Variants in CAPN1 observed in about 807,000 individuals in gnomAD.
CAPN1 encodes calpain 1.
Under a neutral mutation model 105.2 loss-of-function variants are expected in CAPN1, and 77 were observed. The observed-to-expected ratio is 0.73, with a 90% confidence interval of 0.61 to 0.88. The LOEUF is 0.88. CAPN1 is among the 40% of genes least tolerant of loss of function. The probability of loss-of-function intolerance (pLI) is 0.00; values close to 1 mark genes in which losing one functional copy is unlikely to be tolerated. For missense variants in CAPN1, 833 were observed against 976.6 expected (o/e 0.85, Z 1.96); for synonymous variants, 355 against 388.8 (o/e 0.91, Z 1.02).
At position 65,188,260 on chromosome 11, in the gene CAPN1, G is replaced by A; in HGVS notation, c.930-154G>A. On this transcript the variant is annotated intron_variant, in intron 8 of 21. Coordinates refer to ENST00000279247, the MANE Select transcript of CAPN1 (RefSeq NM_005186.4). This position sits in a 1 kb window ranked among gnomAD's most constrained non-coding sequence, Gnocchi z 5.5. Reference sequence around the variant, plus strand: ...TGCAGGGCATCAGACTGGCCCTGATGAGACCACCCCCTAGAAGCGGAACCT... The same window carrying A: ...TGCAGGGCATCAGACTGGCCCTGATAAGACCACCCCCTAGAAGCGGAACCT... The A allele has an allele frequency of 1.4e-6, 1 of 732,168 alleles. No individual in the cohort carries two copies. Among genetic ancestry groups the A allele is most frequent in the Non-Finnish European group, 2.2e-6 (1 of 444,872 alleles). 45.4% of individuals were successfully genotyped at this position (732,168 alleles called of 1,614,324 possible). A position where few individuals can be genotyped will look rare whatever the true frequency, so the allele number is the denominator to read the frequency against.
In CAPN1 at chr11:65,209,825, A is replaced by G. The variant is rs1949017055; in HGVS notation, c.1795-24A>G. The stretch of plus-strand genomic sequence containing the variant: ...TCCCATGACTGGTCTAAGTGATGGA[A>G]TTTCCTTCTTAACGGCCACCCAGCG... On this transcript the variant is annotated intron_variant, in intron 17 of 21. Transcript: ENST00000279247. This position sits in a 1 kb window ranked among gnomAD's most constrained non-coding sequence, Gnocchi z 4.1. 2 of 1,612,048 alleles carry G rather than the reference A, an allele frequency of 1.2e-6. No individual in the cohort carries two copies. Among genetic ancestry groups the G allele is most frequent in the African/African-American group, 2.7e-5 (2 of 74,864 alleles).
In CAPN1 at chr11:65,182,859, G is replaced by A; in HGVS notation, c.158G>A (p.Gly53Glu). Residue 53 changes from glycine to glutamate, a missense_variant, in exon 2 of 22, where the codon GGG (glycine) becomes GAG (glutamate). Transcript: ENST00000279247. ...CTGCGGGTGCGATGCCTGCAGAGTGGGACCCTCTTCCGTGATGAGGCCTTC... is the reference window on the plus strand; with the variant it reads ...CTGCGGGTGCGATGCCTGCAGAGTGAGACCCTCTTCCGTGATGAGGCCTTC... Reference protein sequence around the residue: ...EQLRVRCLQSGTLFRDEAFPP... With the variant: ...EQLRVRCLQSETLFRDEAFPP... 1 of 1,601,430 alleles carries A rather than the reference G, an allele frequency of 6.2e-7. No individual in the cohort carries two copies. The highest frequency in any genetic ancestry group is 8.5e-7 in the Non-Finnish European group (1 of 1,174,368).
At chr11:65,181,588 C>A (rs767612177), upstream of CAPN1, 2 of 415,770 alleles carry the variant, frequency 4.8e-6, no homozygotes, top group Non-Finnish European at 9.6e-6. This position sits in a 1 kb window ranked among gnomAD's most constrained non-coding sequence, Gnocchi z 4.6. Flanking sequence ...CCCTGCAACT[C>A]GAGCTGCTGC....
chr11:65,182,902 C>T lies in CAPN1; in HGVS notation c.201C>T (p.Ser67=). The T allele has an allele frequency of 6.2e-7, 1 of 1,609,538 alleles. No homozygotes were observed. The highest frequency in any genetic ancestry group is 8.5e-7 in the Non-Finnish European group (1 of 1,178,018). ...RDEAFPPVPQ[S]LGYKDLGPNS... ...AGGCCTTCCCCCCGGTACCCCAGAGCCTGGGTTACAAGGACCTGGGTCCCA... is the reference window on the plus strand; with the variant it reads ...AGGCCTTCCCCCCGGTACCCCAGAGTCTGGGTTACAAGGACCTGGGTCCCA... Residue 67 remains serine, a synonymous_variant, in exon 2 of 22, where the codon AGC becomes AGT. Transcript: ENST00000279247.
rs985420409 is a variant in CAPN1, at chr11:65,188,414, C to T, written c.930C>T (p.Ser310=). ...EVEWTGAWSD[S]SSEWNNVDPY... is the part of the protein sequence containing the mutation. ...CCTGGCAGAGCCCTGCTCCTCACAG[C>T]TCCTCAGAGTGGAACAACGTGGACC... The change falls in exon 9 of 22, where the codon AGC becomes AGT. Residue 310 remains serine (S), a splice_region_variant and synonymous_variant. Transcript: ENST00000279247. The surrounding 1 kb of genome is among the most constrained non-coding windows in gnomAD (Gnocchi z 5.5). 6 of 1,609,568 alleles carry T rather than the reference C, an allele frequency of 3.7e-6. No individual in the cohort carries two copies. The highest frequency in any genetic ancestry group is 2.7e-5 in the African/African-American group (2 of 74,818).
At chr11:65,206,218 A>T in intron 12 of CAPN1, 1 of 585,662 alleles carries the variant, frequency 1.7e-6, no homozygotes, top group Non-Finnish European at 3.0e-6. Context: ...ATTGAAACAC[A>T]TGCCTAATCT....
chr11:65,210,599 G>A lies in CAPN1; in HGVS notation c.2059+147G>A, dbSNP rs941288455. The A allele has an allele frequency of 2.8e-5, 20 of 711,084 alleles. No homozygotes were observed. Among genetic ancestry groups the A allele is most frequent in the Non-Finnish European group, 4.4e-5 (18 of 406,278 alleles). 44.0% of individuals were successfully genotyped at this position (711,084 alleles called of 1,614,324 possible). ...AGAGGCCTGGGTCTGGGTTTGGGGG[G>A]CCCTGGCTGAGTGCCAGGAGAGTCG... is the stretch of plus-strand genomic sequence containing the variant. On this transcript the variant is annotated intron_variant, in intron 20 of 21. Transcript: ENST00000279247. This position sits in a 1 kb window ranked among gnomAD's most constrained non-coding sequence, Gnocchi z 4.3.
chr11:65,210,598 G>C lies in CAPN1; in HGVS notation c.2059+146G>C, dbSNP rs1254295429. On this transcript the variant is annotated intron_variant, in intron 20 of 21. Transcript: ENST00000279247. The surrounding 1 kb of genome is among the most constrained non-coding windows in gnomAD (Gnocchi z 4.3). ...GAGAGGCCTGGGTCTGGGTTTGGGG[G>C]GCCCTGGCTGAGTGCCAGGAGAGTC... 1.4e-6 allele frequency: 1 copy of C among 710,158 alleles called. No homozygotes were observed. The highest frequency in any genetic ancestry group is 2.5e-6 in the Non-Finnish European group (1 of 405,310). The allele number at this position is 710,158 out of a possible 1,614,324, so 44.0% of individuals were successfully genotyped here. A position where few individuals can be genotyped will look rare whatever the true frequency, so the allele number is the denominator to read the frequency against.
chr11:65,207,770 G>T (rs746044400), intron 14 of CAPN1, among the ~76,000 whole-genome samples: 1 of 151,890 alleles, frequency 6.6e-6, no homozygotes, highest in East Asian at 2.0e-4. Flanking sequence ...AAAATTAGCC[G>T]GGCATGGTGG....
intron 10 of CAPN1, among the ~76,000 whole-genome samples, chr11:65,194,459 T>C (rs538640868): frequency 7.5e-4 from 114 of 152,316 alleles, no homozygotes; most frequent in African/African-American, 2.5e-3. Context: ...CCAGAAAATT[T>C]GCACTTTTAA....
In CAPN1 at chr11:65,210,901, G is replaced by A. The variant is rs1177164660; in HGVS notation, c.2118+29G>A. On this transcript the variant is annotated intron_variant, in intron 21 of 21. Transcript: ENST00000279247. This position sits in a 1 kb window ranked among gnomAD's most constrained non-coding sequence, Gnocchi z 4.3. ...GGAACCTCCCTGGGCCCATGGTTGG[G>A]GAAGAGTTCCAGGCGATCGAATTTT... is the stretch of plus-strand genomic sequence containing the variant. 6 of 1,575,778 alleles carry A rather than the reference G, an allele frequency of 3.8e-6. No individual in the cohort carries two copies. The highest frequency in any genetic ancestry group is 5.2e-6 in the Non-Finnish European group (6 of 1,145,402).
Position 65,210,683 on chromosome 11 carries a change from C to G in CAPN1, c.2060-131C>G, listed in dbSNP as rs1395080767. On this transcript the variant is annotated intron_variant, in intron 20 of 21. Transcript: ENST00000279247. The surrounding 1 kb of genome is among the most constrained non-coding windows in gnomAD (Gnocchi z 4.3). ...AGCAGGAAGGGGTGAAGCTTCCCAG[C>G]TTCAAGGGGTGTCAGCTTGCGGTAC... The G allele has an allele frequency of 1.2e-5, 10 of 804,688 alleles. No individual in the cohort carries two copies. The highest frequency in any genetic ancestry group is 2.2e-5 in the Non-Finnish European group (10 of 459,784). 49.8% of individuals were successfully genotyped at this position (804,688 alleles called of 1,614,324 possible). A position where few individuals can be genotyped will look rare whatever the true frequency, so the allele number is the denominator to read the frequency against.
chr11:65,206,428 C>T (rs1226634399), intron 12 of CAPN1, 35 bp from the exon 13 acceptor site: 5 of 1,564,256 alleles, frequency 3.2e-6, no homozygotes, highest in Non-Finnish European at 4.4e-6. Context: ...GCTGAGTGGG[C>T]AGCTGCAGCC....
chr11:65,184,563 C>T (rs1444847832), intron 4 of CAPN1, among the ~76,000 whole-genome samples: 2 of 152,042 alleles, frequency 1.3e-5, no homozygotes, highest in African/African-American at 4.8e-5. Context: ...CCTTCGGCCC[C>T]GACCCTGCCC....
chr11:65,207,719 C>T (rs1319774564), intron 14 of CAPN1, among the ~76,000 whole-genome samples: 1 of 151,660 alleles, frequency 6.6e-6, no homozygotes, highest in East Asian at 2.0e-4. Flanking sequence ...TTGAGACCAG[C>T]CTGGCCAACA....
At chr11:65,183,418 T>A in intron 3 of CAPN1, 56 bp from the exon 4 acceptor site, 2 of 1,385,102 alleles carry the variant, frequency 1.4e-6, no homozygotes, top group Non-Finnish European at 2.0e-6. Context: ...TAGCACCCGC[T>A]TCCCCCCCCG....
chr11:65,204,977 A>C, intron 11 of CAPN1, 119 bp downstream of exon 11: 6 of 788,654 alleles, frequency 7.6e-6, no homozygotes, highest in East Asian at 2.6e-5. Context: ...TTCCCCACAA[A>C]TTCCCCTCCA....
intron 10 of CAPN1, 79 bp from the exon 11 acceptor site, chr11:65,204,604 G>A: frequency 8.0e-7 from 1 of 1,250,894 alleles, no homozygotes; most frequent in South Asian, 1.3e-5. Flanking sequence ...GCGTGCACAG[G>A]GACGTGCTGA....
chr11:65,182,252 A>G (rs1948548155), intron 1 of CAPN1: 5 of 82,972 alleles, frequency 6.0e-5, no homozygotes, highest in East Asian at 3.6e-4. Context: ...GAGGAGGGGG[A>G]CCCCGACCGT....
Sources: allele counts gnomAD v4.1 joint callset (sites outside exome capture counted in the v4.1 genomes callset), GRCh38; gene constraint gnomAD v4.1.1; non-coding constraint Gnocchi (gnomAD v3.1); transcripts MANE v1.5; gene names NCBI Gene and HGNC (gene_info 2026-07-23, HGNC 2026-07-21).